The following CSMD3 variants were observed in gnomAD, a reference collection of about 807,000 sequenced individuals.
CSMD3 encodes CUB and sushi domain-containing protein 3.
CSMD3 carries 177 observed loss-of-function variants against 435.2 expected under a neutral mutation model. That is an observed-to-expected ratio of 0.41 (90% CI 0.36 to 0.46). The LOEUF is 0.46. CSMD3 is among the 20% of genes least tolerant of loss of function. CSMD3 has a pLI of 0.34. For missense variants in CSMD3, 4,265 were observed against 4,504.6 expected (o/e 0.95, Z 1.52); for synonymous variants, 1,656 against 1,520.5 (o/e 1.09, Z -2.07).
intron 4 of CSMD3, among the ~76,000 whole-genome samples, chr8:113,169,750 AATAG>A (rs1392916469): frequency 6.6e-6 from 1 of 152,176 alleles, no homozygotes; most frequent in African/African-American, 2.4e-5. Context: ...TTAACATAGG[AATAG>A]CATAACCATT....
chr8:113,231,116 A>C (rs988211437), intron 3 of CSMD3, among the ~76,000 whole-genome samples: 1 of 151,444 alleles, frequency 6.6e-6, no homozygotes, highest in Non-Finnish European at 1.5e-5. Context: ...CATTATTTTA[A>C]AAATACTTCC....
At chr8:113,164,435 A>T (rs2092110503) in intron 4 of CSMD3, among the ~76,000 whole-genome samples, 1 of 150,092 alleles carries the variant, frequency 6.7e-6, no homozygotes, top group Non-Finnish European at 1.5e-5. Context: ...AAAAAAAAAG[A>T]AAAAAAAACA....
In CSMD3 at chr8:112,366,586, T is replaced by G. The variant is rs138383097; in HGVS notation, c.6136+13766A>C. ...CTAATTTTTGTATTTTTGGTAGAGA[T>G]AGGGTTTCACCATGTTGGCCAGGTT... On this transcript the variant is annotated intron_variant, in intron 38 of 70. Transcript: ENST00000297405. 7.0e-3 allele frequency among the ~76,000 whole-genome samples: 1,069 copies of G among 152,152 alleles called. 12 individuals carry two copies. The highest frequency in any genetic ancestry group is 0.024 in the African/African-American group (996 of 41,514).
At chr8:112,857,102 G>T (rs998763146) in intron 11 of CSMD3, among the ~76,000 whole-genome samples, 10 of 151,774 alleles carry the variant, frequency 6.6e-5, no homozygotes, top group African/African-American at 2.4e-4. Context: ...GTGTGTGTGT[G>T]TGTCTGTGTG....
chr8:112,457,622 G>A (rs1238644112), intron 32 of CSMD3, among the ~76,000 whole-genome samples: 3 of 152,136 alleles, frequency 2.0e-5, no homozygotes, highest in Non-Finnish European at 2.9e-5. Flanking sequence ...GAGAATGCCA[G>A]GCCAGAGTAA....
At chr8:112,502,052 T>G (rs1037445693) in intron 30 of CSMD3, among the ~76,000 whole-genome samples, 2 of 152,166 alleles carry the variant, frequency 1.3e-5, no homozygotes, top group Non-Finnish European at 2.9e-5. Flanking sequence ...AGGGGAATAC[T>G]AGCATGAAAA....
chr8:113,322,822 T>G (rs1157087152), intron 1 of CSMD3, among the ~76,000 whole-genome samples: 1 of 152,090 alleles, frequency 6.6e-6, no homozygotes, highest in Non-Finnish European at 1.5e-5. Context: ...CTCAACTCAC[T>G]GCAACCTCCA....
intron 27 of CSMD3, among the ~76,000 whole-genome samples, chr8:112,527,559 T>C (rs1825099882): frequency 6.6e-6 from 1 of 151,968 alleles, no homozygotes; most frequent in African/African-American, 2.4e-5. Context: ...ATTAACACTA[T>C]CAACAAAATT....
chr8:112,902,398 A>G (rs1042245628), intron 10 of CSMD3, among the ~76,000 whole-genome samples: 1 of 151,290 alleles, frequency 6.6e-6, no homozygotes, highest in Non-Finnish European at 1.5e-5. Flanking sequence ...TTCAAAATGC[A>G]TCCAGCCCAG....
chr8:112,451,283 T>G (rs1438141873), intron 32 of CSMD3, among the ~76,000 whole-genome samples: 2 of 152,130 alleles, frequency 1.3e-5, no homozygotes, highest in Non-Finnish European at 2.9e-5. Context: ...TTCTTTGTAT[T>G]TTTTAGAACA....
intron 25 of CSMD3, among the ~76,000 whole-genome samples, chr8:112,553,967 A>T (rs569609874): frequency 1.3e-5 from 2 of 152,150 alleles, no homozygotes; most frequent in East Asian, 3.9e-4. Context: ...CACTCAGTTG[A>T]CTTGTAGGCC....
intron 5 of CSMD3, among the ~76,000 whole-genome samples, chr8:113,091,782 T>C (rs1312857474): frequency 6.6e-6 from 1 of 152,044 alleles, no homozygotes; most frequent in Admixed American, 6.6e-5. Context: ...CTATTTCATT[T>C]ATTTCTGCTC....
chr8:112,933,292 C>T (rs16884209), intron 9 of CSMD3, among the ~76,000 whole-genome samples: 49,750 of 151,750 alleles, frequency 0.33, 8,299 homozygotes, highest in East Asian at 0.41. Flanking sequence ...AAAATTAAGC[C>T]CCAAGCGTTC....
chr8:112,801,833 A>T (rs999538790), intron 12 of CSMD3, among the ~76,000 whole-genome samples: 3 of 152,064 alleles, frequency 2.0e-5, no homozygotes, highest in Non-Finnish European at 4.4e-5. Context: ...CATGTACATC[A>T]GCTATACCAT....
intron 17 of CSMD3, among the ~76,000 whole-genome samples, chr8:112,656,742 C>T (rs2075267420): frequency 6.6e-6 from 1 of 152,050 alleles, no homozygotes; most frequent in African/African-American, 2.4e-5. Flanking sequence ...ACACACATTT[C>T]AAATTTGACA....
chr8:112,994,639 C>A (rs1271644341), intron 6 of CSMD3, among the ~76,000 whole-genome samples: 1 of 151,424 alleles, frequency 6.6e-6, no homozygotes, highest in South Asian at 2.1e-4. Context: ...ATTGAGATTC[C>A]AAGGGCTACA....
chr8:112,963,226 TC>T (rs1172715952), intron 7 of CSMD3, among the ~76,000 whole-genome samples: 1 of 151,984 alleles, frequency 6.6e-6, no homozygotes, highest in Middle Eastern at 3.2e-3. Flanking sequence ...TTCTTCCTTA[TC>T]CCAACAACGT....
chr8:113,203,206 T>A (rs753369431), intron 3 of CSMD3, among the ~76,000 whole-genome samples: 13 of 152,184 alleles, frequency 8.5e-5, no homozygotes, highest in South Asian at 2.1e-4. Flanking sequence ...ATGAATTATA[T>A]GTATTGAAAC....
rs958494814 is a variant in CSMD3, at chr8:112,780,272, G to T, written c.1972+19890C>A. 7.2e-5 allele frequency among the ~76,000 whole-genome samples: 11 copies of T among 151,952 alleles called. No individual in the cohort carries two copies. In the South Asian group the frequency reaches 1.0e-3, roughly 14 times the overall value. The stretch of plus-strand genomic sequence containing the variant: ...TACAATAGTGTATAGTTCCCCATTG[G>T]CTCAGGCACTACTTATAGGAACTAT... On this transcript the variant is annotated intron_variant, in intron 13 of 70. Coordinates refer to ENST00000297405, the MANE Select transcript of CSMD3 (RefSeq NM_198123.2).
Sources: allele counts gnomAD v4.1 joint callset (sites outside exome capture counted in the v4.1 genomes callset), GRCh38; gene constraint gnomAD v4.1.1; transcripts MANE v1.5; gene names NCBI Gene and HGNC (gene_info 2026-07-23, HGNC 2026-07-21).